The following CDH1 variants were observed in gnomAD, a reference collection of about 807,000 sequenced individuals.
CDH1 encodes the protein cadherin-1.
In CDH1, 35 loss-of-function variants were observed where a neutral mutation model predicts 84.5. The observed-to-expected ratio is 0.41, with a 90% CI of 0.32 to 0.55. CDH1 has a LOEUF of 0.55. CDH1 is among the 20% of genes least tolerant of loss of function. The pLI is 0.19. For missense variants in CDH1, 994 were observed against 1,126.6 expected (o/e 0.88, Z 1.68); for synonymous variants, 417 against 439.0 (o/e 0.95, Z 0.63).
At chr16:68,811,998 G>GCTTGTGCATCTA in intron 7 of CDH1, 137 bp from the exon 8 acceptor site, 1 of 1,431,684 alleles carries the variant, frequency 7.0e-7, no homozygotes, top group Non-Finnish European at 9.8e-7. Flanking sequence ...CTTGTGCCCA[G>GCTTGTGCATCTA]AGGTTCCGTG....
chr16:68,813,517 A>G, intron 9 of CDH1, 22 bp downstream of exon 9: 3 of 1,612,006 alleles, frequency 1.9e-6, no homozygotes, highest in Non-Finnish European at 2.5e-6. Flanking sequence ...ACCTGGCAAG[A>G]TGCAGAAACT....
intron 2 of CDH1, among the ~76,000 whole-genome samples, chr16:68,768,651 G>T (rs891103516): frequency 2.0e-5 from 3 of 152,168 alleles, no homozygotes; most frequent in Non-Finnish European, 4.4e-5. Flanking sequence ...TTGAGCCCAA[G>T]TGTTGAAGTC....
At chr16:68,777,534 CTTTTT>C (rs71148949) in intron 2 of CDH1, among the ~76,000 whole-genome samples, 8 of 76,968 alleles carry the variant, frequency 1.0e-4, no homozygotes, top group Admixed American at 2.0e-4. Flanking sequence ...GTAATGTTTC[CTTTTT>C]TTTTTTTTTT....
intron 2 of CDH1, among the ~76,000 whole-genome samples, chr16:68,760,087 T>TATATATATA (rs1555511679): frequency 5.8e-5 from 6 of 103,296 alleles, no homozygotes; most frequent in Non-Finnish European, 1.1e-4. Context: ...TATATATATA[T>TATATATATA]TTTTTTTTTT....
intron 2 of CDH1, among the ~76,000 whole-genome samples, chr16:68,781,213 A>C (rs1401413675): frequency 6.6e-6 from 1 of 152,202 alleles, no homozygotes; most frequent in Non-Finnish European, 1.5e-5. Flanking sequence ...TGCAGGTCAG[A>C]GGGTTTGAGT....
rs373565768 is a variant in CDH1, at chr16:68,824,326, C to A, written c.2164+700C>A. 2.3e-3 allele frequency among the ~76,000 whole-genome samples: 346 copies of A among 152,222 alleles called. 2 individuals carry two copies. The highest frequency in any genetic ancestry group is 3.8e-3 in the Non-Finnish European group (259 of 68,004). On this transcript the variant is annotated intron_variant, in intron 13 of 15. Coordinates refer to ENST00000261769, the MANE Select transcript of CDH1 (RefSeq NM_004360.5). ...TCTACATTTCTAACCAGCTCCCAGGCGGTACTGATGTTGCAGTTCCTTAGA... is the reference window on the plus strand; with the variant it reads ...TCTACATTTCTAACCAGCTCCCAGGAGGTACTGATGTTGCAGTTCCTTAGA...
At chr16:68,738,570 T>G (rs913130542) in intron 2 of CDH1, among the ~76,000 whole-genome samples, 159 bp downstream of exon 2, 1 of 152,234 alleles carries the variant, frequency 6.6e-6, no homozygotes, top group Non-Finnish European at 1.5e-5. Flanking sequence ...TCCAAACGTT[T>G]ACGACTGAAC....
chr16:68,781,576 C>A (rs1190255471), intron 2 of CDH1, among the ~76,000 whole-genome samples: 1 of 152,118 alleles, frequency 6.6e-6, no homozygotes, highest in Admixed American at 6.5e-5. Context: ...TGAGCTCAAG[C>A]AATCCATCCC....
In CDH1 at chr16:68,833,654, A is replaced by T; in HGVS notation, c.*155A>T. ...GTTAGTATAGCTTTATACTCTCTCC[A>T]CTTTATAGCTCTAATAAGTTTGTGT... On this transcript the variant is annotated 3_prime_UTR_variant, in exon 16 of 16. Transcript: ENST00000261769. 1.5e-6 allele frequency: 1 copy of T among 661,024 alleles called. No homozygotes were observed. Among genetic ancestry groups the T allele is most frequent in the Non-Finnish European group, 2.7e-6 (1 of 371,846 alleles). The allele number at this position is 661,024 out of a possible 1,614,324, so 40.9% of individuals were successfully genotyped here.
chr16:68,818,535 T>C (rs1369345999), intron 10 of CDH1, among the ~76,000 whole-genome samples: 1 of 111,120 alleles, frequency 9.0e-6, no homozygotes, highest in East Asian at 2.3e-4. Context: ...TTGGTTTTCT[T>C]TTTTTTTTTT....
intron 2 of CDH1, among the ~76,000 whole-genome samples, chr16:68,775,593 G>C (rs1429416470): frequency 6.6e-6 from 1 of 152,162 alleles, no homozygotes; most frequent in African/African-American, 2.4e-5. Flanking sequence ...TTAAAAGCAT[G>C]TAGGTTTCAT....
chr16:68,768,148 G>A (rs571643538), intron 2 of CDH1, among the ~76,000 whole-genome samples: 6 of 152,254 alleles, frequency 3.9e-5, no homozygotes, highest in South Asian at 2.1e-4. Flanking sequence ...GTTTCTCCAC[G>A]TTGATCAGGC....
intron 2 of CDH1, among the ~76,000 whole-genome samples, chr16:68,791,700 G>A (rs1960213749): frequency 6.6e-6 from 1 of 152,110 alleles, no homozygotes; most frequent in Non-Finnish European, 1.5e-5. Context: ...GGGATTACAG[G>A]CATGAGCCAC....
At chr16:68,833,202 G>A (rs775540056) in intron 15 of CDH1, 88 bp from the exon 16 acceptor site, 59 of 1,152,396 alleles carry the variant, frequency 5.1e-5, no homozygotes, top group Non-Finnish European at 6.8e-5. Context: ...GTGCATTGTC[G>A]TACCTTACAT....
chr16:68,823,995 T>TTTTTTC (rs1220145103), intron 13 of CDH1, among the ~76,000 whole-genome samples: 51 of 142,694 alleles, frequency 3.6e-4, no homozygotes, highest in African/African-American at 1.3e-3. Flanking sequence ...TGCATTTCTT[T>TTTTTTC]TTTTTTTTTT....
chr16:68,790,482 G>C (rs1045095119), intron 2 of CDH1, among the ~76,000 whole-genome samples: 3 of 152,130 alleles, frequency 2.0e-5, no homozygotes, highest in African/African-American at 7.2e-5. Flanking sequence ...CGGCAGACAG[G>C]CTGTGTTGTT....
rs531079805 is a variant in CDH1 at position 68,740,919 on chromosome 16, CCTT to C, written c.163+2509_163+2511del. On this transcript the variant is annotated intron_variant, in intron 2 of 15. Transcript: ENST00000261769. ...GTTGGTCTTTTCTCTTCCTTTTTCT[CCTT>C]GTTTTTCACCTCAATAACCTGAAAA... is the stretch of plus-strand genomic sequence containing the variant. 1.1e-3 allele frequency among the ~76,000 whole-genome samples: 165 copies of C among 152,098 alleles called. 1 individual carries two copies. Among genetic ancestry groups the C allele is most frequent in the African/African-American group, 3.7e-3 (154 of 41,488 alleles).
chr16:68,830,979 T>C (rs1270880949), intron 15 of CDH1, among the ~76,000 whole-genome samples: 1 of 152,022 alleles, frequency 6.6e-6, no homozygotes, highest in East Asian at 1.9e-4. Context: ...AGTAACTTGC[T>C]TGGTTACTGG....
chr16:68,819,227 C>G (rs1391709504), intron 10 of CDH1, 53 bp from the exon 11 acceptor site: 1 of 1,605,956 alleles, frequency 6.2e-7, no homozygotes, highest in African/African-American at 1.3e-5. Context: ...CCGTTTTCAG[C>G]TACATGTTGT....
Sources: gnomAD v4.1 joint callset for allele counts (sites outside exome capture counted in the v4.1 genomes callset) on GRCh38, gnomAD v4.1.1 for gene constraint, MANE v1.5 for transcripts, NCBI Gene and HGNC (gene_info 2026-07-23, HGNC 2026-07-21) for gene names.